Variants in SP9 observed in about 807,000 individuals in gnomAD.
SP9 encodes the protein Sp9 transcription factor.
A neutral mutation model predicts 23.0 loss-of-function variants in SP9; 5 were observed. The observed-to-expected ratio is 0.22, with a 90% confidence interval of 0.11 to 0.46. SP9 has a LOEUF of 0.46. Ranked by LOEUF, SP9 falls within the 20% of genes least tolerant of loss-of-function variation. SP9 has a pLI of 0.99. For missense variants in SP9, 542 were observed against 724.0 expected, an observed-to-expected ratio of 0.75 and a Z score of 2.88; for synonymous variants, 360 against 356.5, an observed-to-expected ratio of 1.01 and a Z score of -0.11.
chr2:174,335,912 G>C (rs1262007301), intron 1 of SP9, 195 bp from the exon 2 acceptor site: 1 of 557,372 alleles, frequency 1.8e-6, no homozygotes, highest in East Asian at 3.3e-5. Context: ...ACCTTCGCCC[G>C]GGTGATCGCC....
chr2:174,337,047 C>A lies in SP9; in HGVS notation c.962C>A (p.Pro321Gln). ...TGCCAGGAGGCGGAGCGGCTGGGCCCGGCCGGGGCGAGCCTGCGGCGCAAG... is the reference window on the plus strand; with the variant it reads ...TGCCAGGAGGCGGAGCGGCTGGGCCAGGCCGGGGCGAGCCTGCGGCGCAAG... ...PNCQEAERLG[P>Q]AGASLRRKGL... is the part of the protein sequence containing the mutation. The change falls in exon 2 of 2, where the codon CCG becomes CAG. Residue 321 changes from proline to glutamine, a missense_variant. Physicochemically the swap from Pro to Gln is moderately conservative, Grantham distance 76. Coordinates refer to ENST00000394967, the MANE Select transcript of SP9 (RefSeq NM_001145250.2). The A allele has an allele frequency of 1.3e-6, 2 of 1,532,806 alleles. No homozygotes were observed. The highest frequency in any genetic ancestry group is 2.5e-5 in the East Asian group (1 of 39,250). The allele number at this position is 1,532,806 out of a possible 1,614,324, so 95.0% of individuals were successfully genotyped here.
In SP9 at chr2:174,338,348, T is replaced by A. The variant is rs1175041656; in HGVS notation, c.*808T>A. The A allele has an allele frequency of 2.0e-5, 3 of 152,220 alleles. No individual in the cohort carries two copies. The highest frequency in any genetic ancestry group is 7.2e-5 in the African/African-American group (3 of 41,458). The allele number at this position is 152,220 out of a possible 1,614,324, so 9.4% of individuals were successfully genotyped here. ...CTGATGCACTTTGTGAAAGTCAGTA[T>A]ATATGTAAAAGATATTTAAAATGTT... On this transcript the variant is annotated 3_prime_UTR_variant, in exon 2 of 2. Coordinates refer to ENST00000394967, the MANE Select transcript of SP9 (RefSeq NM_001145250.2).
chr2:174,335,235 A>G (rs1286281869), intron 1 of SP9, 122 bp downstream of exon 1: 2 of 1,127,964 alleles, frequency 1.8e-6, no homozygotes, highest in South Asian at 1.4e-5. Flanking sequence ...AGCTTCTATT[A>G]GCACTTTCCA....
chr2:174,336,499 C>T lies in SP9; in HGVS notation c.414C>T (p.His138=), dbSNP rs551284254. 1.3e-4 allele frequency: 194 copies of T among 1,476,038 alleles called. No homozygotes were observed. The South Asian group carries it at 2.4e-3, about 18-fold the overall frequency. 91.4% of individuals were successfully genotyped at this position (1,476,038 alleles called of 1,614,324 possible). ...GGQSAFISKV[H]TTAADGLYPR... ...AGTCGGCCTTCATTTCCAAGGTGCACACGACGGCAGCCGACGGGCTGTACC... is the reference window on the plus strand; with the variant it reads ...AGTCGGCCTTCATTTCCAAGGTGCATACGACGGCAGCCGACGGGCTGTACC... Residue 138 remains histidine, a synonymous_variant, in exon 2 of 2, where the codon CAC becomes CAT. Coordinates refer to ENST00000394967, the MANE Select transcript of SP9 (RefSeq NM_001145250.2).
chr2:174,336,353 T>A lies in SP9; in HGVS notation c.268T>A (p.Cys90Ser). The change falls in exon 2 of 2, where the codon TGC (cysteine) becomes AGC (serine). Residue 90 changes from cysteine (C) to serine (S), a missense_variant. By Grantham distance (112) the Cys-to-Ser change is moderately radical. This residue lies in a region of SP9 where 201 missense variants were observed against 226.3 expected (regional missense o/e 0.89). Transcript: ENST00000394967. ...GGSGAANSAF[C>S]LASTSPTSSA... ...CTCGGGCGCCGCCAACAGCGCCTTC[T>A]GCCTGGCCTCCACGTCGCCCACGTC... 1 of 1,499,552 alleles carries A rather than the reference T, an allele frequency of 6.7e-7. No individual in the cohort carries two copies. The highest frequency in any genetic ancestry group is 8.8e-7 in the Non-Finnish European group (1 of 1,132,130). The allele number at this position is 1,499,552 out of a possible 1,614,324, so 92.9% of individuals were successfully genotyped here. A position where few individuals can be genotyped will look rare whatever the true frequency, so the allele number is the denominator to read the frequency against.
At chr2:174,335,327 T>C in intron 1 of SP9, 2 of 531,542 alleles carry the variant, frequency 3.8e-6, no homozygotes, top group East Asian at 2.9e-5. Context: ...AATCAAGTCC[T>C]TTTTCATTTG....
Position 174,337,076 on chromosome 2 carries a change from C to A in SP9, c.991C>A (p.Leu331Met). Reference sequence around the variant, plus strand: ...CGGGGCGAGCCTGCGGCGCAAGGGCCTGCACAGCTGCCACATTCCGGGCTG... The same window carrying A: ...CGGGGCGAGCCTGCGGCGCAAGGGCATGCACAGCTGCCACATTCCGGGCTG... ...PAGASLRRKGLHSCHIPGCGK... is the reference protein window; with the variant it reads ...PAGASLRRKGMHSCHIPGCGK... Residue 331 changes from leucine (L) to methionine (M), a missense_variant, in exon 2 of 2, where the codon CTG (leucine) becomes ATG (methionine). Leu to Met is a conservative substitution (Grantham distance 15, BLOSUM62 2). Around this residue, in one of 8 missense-constraint regions of SP9, gnomAD observed 56 missense variants for 97.8 expected, o/e 0.57. Coordinates refer to ENST00000394967, the MANE Select transcript of SP9 (RefSeq NM_001145250.2). 2 of 1,578,462 alleles carry A rather than the reference C, an allele frequency of 1.3e-6. No homozygotes were observed. The highest frequency in any genetic ancestry group is 1.7e-6 in the Non-Finnish European group (2 of 1,166,652).
At position 174,337,351 on chromosome 2, in the gene SP9, G is replaced by A; in HGVS notation, c.1266G>A (p.Lys422=). 7 of 1,550,402 alleles carry A rather than the reference G, an allele frequency of 4.5e-6. No individual in the cohort carries two copies. The highest frequency in any genetic ancestry group is 6.1e-6 in the Non-Finnish European group (7 of 1,146,730). Residue 422 remains lysine (K), a synonymous_variant, in exon 2 of 2, where the codon AAG becomes AAA. Coordinates refer to ENST00000394967, the MANE Select transcript of SP9 (RefSeq NM_001145250.2). ...KTHNGGGGGK[K]GSDSDTDASN... is the part of the protein sequence containing the mutation. Reference sequence around the variant, plus strand: ...ACAACGGGGGCGGCGGGGGCAAAAAGGGCAGCGACAGTGACACGGACGCCA... The same window carrying A: ...ACAACGGGGGCGGCGGGGGCAAAAAAGGCAGCGACAGTGACACGGACGCCA...
rs986594643 is a variant in SP9 at position 174,335,311 on chromosome 2, CT to C, written c.21+200del. The C allele has an allele frequency of 5.4e-6, 3 of 556,710 alleles. No homozygotes were observed. In the African/African-American group the frequency reaches 5.6e-5, roughly 10 times the overall value. 34.5% of individuals were successfully genotyped at this position (556,710 alleles called of 1,614,324 possible). A position where few individuals can be genotyped will look rare whatever the true frequency, so the allele number is the denominator to read the frequency against. On this transcript the variant is annotated intron_variant, in intron 1 of 1. Transcript: ENST00000394967. ...GAAAGATGCCTTTGCAAGAAAAGGC[CT>C]TCTTAATCAAGTCCTTTTTCATTTG...
chr2:174,335,655 G>A (rs72915571), intron 1 of SP9: 26,312 of 181,584 alleles, frequency 0.14, 2,396 homozygotes, highest in Middle Eastern at 0.23. Flanking sequence ...TAGCCACCCT[G>A]GGAGAGCTGC....
Position 174,337,249 on chromosome 2 carries a change from C to T in SP9, c.1164C>T (p.Gly388=), listed in dbSNP as rs572195815. ...AGCGGCATCTGCGGACTCACACGGG[C>T]GAGAAGCGCTTCGCCTGTCCGGTGT... ...ELQRHLRTHT[G]EKRFACPVCN... is the part of the protein sequence containing the mutation. The change falls in exon 2 of 2, where the codon GGC becomes GGT. Residue 388 remains glycine (G), a synonymous_variant. Coordinates refer to ENST00000394967, the MANE Select transcript of SP9 (RefSeq NM_001145250.2). 2 of 1,572,692 alleles carry T rather than the reference C, an allele frequency of 1.3e-6. No individual in the cohort carries two copies. The highest frequency in any genetic ancestry group is 2.4e-5 in the East Asian group (1 of 42,228).
At chr2:174,335,378 G>A in intron 1 of SP9, 1 of 502,552 alleles carries the variant, frequency 2.0e-6, no homozygotes, top group African/African-American at 1.9e-5. Flanking sequence ...TTCCCCTCGT[G>A]ATTTATACCC....
chr2:174,335,070 C>T lies in SP9; in HGVS notation c.-23C>T. 6.4e-7 allele frequency: 1 copy of T among 1,551,160 alleles called. No homozygotes were observed. Among genetic ancestry groups the T allele is most frequent in the Non-Finnish European group, 8.7e-7 (1 of 1,146,564 alleles). ...CCAGGCTCAGCCCCGCTCCCAGCCT[C>T]GCTGCGCAGCCAGAGACCTGCTATG... On this transcript the variant is annotated 5_prime_UTR_variant, in exon 1 of 2. Transcript: ENST00000394967.
intron 1 of SP9, 132 bp downstream of exon 1, chr2:174,335,245 A>G: frequency 9.6e-7 from 1 of 1,046,708 alleles, no homozygotes; most frequent in Non-Finnish European, 1.4e-6. Flanking sequence ...AGCACTTTCC[A>G]CATTTCTGGG....
At position 174,336,857 on chromosome 2, in the gene SP9, G is replaced by A; in HGVS notation, c.772G>A (p.Asp258Asn). ...LSTSQHLLAQ[D>N]GFKPVLPSYS... ...CACCAGCCAGCACCTGCTGGCCCAG[G>A]ACGGCTTCAAGCCGGTGTTGCCCTC... The change falls in exon 2 of 2, where the codon GAC becomes AAC. Residue 258 changes from aspartate to asparagine, a missense_variant. By Grantham distance (23) the Asp-to-Asn change is conservative. This residue lies in a region of SP9 where 144 missense variants were observed against 158.7 expected (regional missense o/e 0.91). Transcript: ENST00000394967. The A allele has an allele frequency of 6.6e-7, 1 of 1,522,872 alleles. No individual in the cohort carries two copies. The highest frequency in any genetic ancestry group is 1.2e-5 in the South Asian group (1 of 82,596). 94.3% of individuals were successfully genotyped at this position (1,522,872 alleles called of 1,614,324 possible).
chr2:174,335,339 T>A, intron 1 of SP9: 1 of 539,864 alleles, frequency 1.9e-6, no homozygotes, highest in Non-Finnish European at 3.4e-6. Flanking sequence ...TTTCATTTGG[T>A]TTCAAAAAAA....
rs1052648022 is a variant in SP9 at position 174,337,450 on chromosome 2, G to C, written c.1365G>C (p.Ala455=). ...ACTCCGGCGTCAGTGCCGCCCGGGC[G>C]GCGGCAGCGGCGGCGGCGGCAGCGG... ...LHDSGVSAAR[A]AAAAAAAAAA... Residue 455 remains alanine (A), a synonymous_variant, in exon 2 of 2, where the codon GCG becomes GCC. Transcript: ENST00000394967. The C allele has an allele frequency of 3.0e-5, 37 of 1,248,102 alleles. No individual in the cohort carries two copies. The highest frequency in any genetic ancestry group is 3.6e-5 in the Non-Finnish European group (35 of 982,630). 77.3% of individuals were successfully genotyped at this position (1,248,102 alleles called of 1,614,324 possible).
intron 1 of SP9, chr2:174,335,342 C>A: frequency 5.6e-6 from 3 of 538,752 alleles, no homozygotes; most frequent in South Asian, 5.5e-5. Context: ...CATTTGGTTT[C>A]AAAAAAAAGC....
Position 174,334,985 on chromosome 2 carries a change from C to A in SP9, c.-108C>A. 7.4e-7 allele frequency: 1 copy of A among 1,343,606 alleles called. No homozygotes were observed. Among genetic ancestry groups the A allele is most frequent in the Non-Finnish European group, 1.0e-6 (1 of 965,414 alleles). The allele number at this position is 1,343,606 out of a possible 1,614,324, so 83.2% of individuals were successfully genotyped here. A position where few individuals can be genotyped will look rare whatever the true frequency, so the allele number is the denominator to read the frequency against. ...AGCCGGCGGGAGCCTGGAGTCCGCT[C>A]GGCACGAGCGCGGGGACGCGGGAGC... On this transcript the variant is annotated 5_prime_UTR_variant, in exon 1 of 2. Coordinates refer to ENST00000394967, the MANE Select transcript of SP9 (RefSeq NM_001145250.2).
Sources: gnomAD v4.1 joint callset for allele counts on GRCh38, gnomAD v4.1.1 for gene constraint, gnomAD v4.1.1 regional missense constraint, MANE v1.5 for transcripts, NCBI Gene and HGNC (gene_info 2026-07-23, HGNC 2026-07-21) for gene names.